The following ADAT1 variants were observed in gnomAD, a reference collection of about 807,000 sequenced individuals.
The protein encoded by ADAT1 is adenosine deaminase tRNA specific 1, also known as tRNA-specific adenosine deaminase 1.
A neutral mutation model predicts 58.6 loss-of-function variants in ADAT1; 58 were observed. The ratio of observed to expected loss-of-function variants is 0.99; its 90% confidence interval spans 0.80 to 1.23. ADAT1 has a LOEUF of 1.23. ADAT1 is among the 50% of genes most tolerant of loss of function. ADAT1 has a pLI of 0.00. For synonymous variants in ADAT1, 254 were observed against 220.8 expected (o/e 1.15, Z -1.33); for missense variants, 741 against 608.6 (o/e 1.22, Z -2.29).
In ADAT1 at chr16:75,598,247, T is replaced by C. The variant is rs1162853098; in HGVS notation, c.*1969A>G. ...GTGCGCCAATACACCTGGCTAATTT[T>C]TGTATTTTTAGTAGAAAGGGGCTTC... On this transcript the variant is annotated 3_prime_UTR_variant, in exon 10 of 10. Coordinates refer to ENST00000564657, the MANE Select transcript of ADAT1 (RefSeq NM_001324445.2). The C allele has an allele frequency of 2.8e-6, 1 of 361,932 alleles. No homozygotes were observed. The highest frequency in any genetic ancestry group is 1.2e-4 in the East Asian group (1 of 8,004). 22.4% of individuals were successfully genotyped at this position (361,932 alleles called of 1,614,324 possible).
At chr16:75,604,919 G>A (rs376413225) in intron 8 of ADAT1, among the ~76,000 whole-genome samples, 127 of 152,162 alleles carry the variant, frequency 8.3e-4, no homozygotes, top group African/African-American at 2.8e-3. Context: ...GAACTGTGTG[G>A]GTCCACTTAC....
chr16:75,600,046 T>C lies in ADAT1; in HGVS notation c.*170A>G, dbSNP rs978366145. The C allele has an allele frequency of 6.9e-7, 1 of 1,449,918 alleles. No homozygotes were observed. The highest frequency in any genetic ancestry group is 1.4e-5 in the African/African-American group (1 of 70,512). The allele number at this position is 1,449,918 out of a possible 1,614,324, so 89.8% of individuals were successfully genotyped here. On this transcript the variant is annotated 3_prime_UTR_variant, in exon 10 of 10. Coordinates refer to ENST00000564657, the MANE Select transcript of ADAT1 (RefSeq NM_001324445.2). ...CCATTTTAGCAGAGAGCTACTTCAATCAAGTATAGCTTGCTCTAAGTTCCA... is the reference window on the plus strand; with the variant it reads ...CCATTTTAGCAGAGAGCTACTTCAACCAAGTATAGCTTGCTCTAAGTTCCA...
In ADAT1 at chr16:75,618,619, T is replaced by G. The variant is rs765053557; in HGVS notation, c.260A>C (p.His87Pro). ...RKNGDILNDSHAEVIARRSFQ... is the reference protein window; with the variant it reads ...RKNGDILNDSPAEVIARRSFQ... ...ACTCCTTCTGGCTATGACCTCAGCA[T>G]GGCTATCATTGAGGATGTCTCCTGC... Residue 87 changes from histidine to proline, a missense_variant, in exon 4 of 10, where the codon CAT (histidine) becomes CCT (proline). His to Pro is a moderately conservative substitution (Grantham distance 77). Coordinates refer to ENST00000564657, the MANE Select transcript of ADAT1 (RefSeq NM_001324445.2). The G allele has an allele frequency of 6.2e-7, 1 of 1,612,598 alleles. No individual in the cohort carries two copies. Among genetic ancestry groups the G allele is most frequent in the South Asian group, 1.1e-5 (1 of 90,954 alleles).
At chr16:75,606,892 G>A (rs528074814) in intron 8 of ADAT1, among the ~76,000 whole-genome samples, 5 of 152,258 alleles carry the variant, frequency 3.3e-5, no homozygotes, top group African/African-American at 1.2e-4. Flanking sequence ...AAAACTTGCT[G>A]AAATATATGT....
In ADAT1 at chr16:75,612,360, A is replaced by G. The variant is rs1371784965; in HGVS notation, c.926T>C (p.Leu309Pro). 7 of 1,614,146 alleles carry G rather than the reference A, an allele frequency of 4.3e-6. No individual in the cohort carries two copies. Among genetic ancestry groups the G allele is most frequent in the Non-Finnish European group, 5.9e-6 (7 of 1,180,030 alleles). ...CATCAACAGTGCCCCTTGGCATCCGAGGACGTTCCATCGGGCCATCTTGTC... is the reference window on the plus strand; with the variant it reads ...CATCAACAGTGCCCCTTGGCATCCGGGGACGTTCCATCGGGCCATCTTGTC... ...CSDKMARWNVLGCQGALLMHL... is the reference protein window; with the variant it reads ...CSDKMARWNVPGCQGALLMHL... The change falls in exon 6 of 10, where the codon CTC (leucine) becomes CCC (proline). Residue 309 changes from leucine to proline, a missense_variant. Leu to Pro is a moderately conservative substitution (Grantham distance 98). Transcript: ENST00000564657.
chr16:75,599,278 C>T lies in ADAT1; in HGVS notation c.*938G>A. 1 of 861,382 alleles carries T rather than the reference C, an allele frequency of 1.2e-6. No individual in the cohort carries two copies. Among genetic ancestry groups the T allele is most frequent in the Non-Finnish European group, 1.4e-6 (1 of 717,130 alleles). The allele number at this position is 861,382 out of a possible 1,614,324, so 53.4% of individuals were successfully genotyped here. On this transcript the variant is annotated 3_prime_UTR_variant, in exon 10 of 10. Transcript: ENST00000564657. ...TGCATTTTTAGTAGAGACAGGGTTT[C>T]ACCAGGTTGGCCAGGCTGGTCTTGA...
intron 8 of ADAT1, among the ~76,000 whole-genome samples, chr16:75,607,934 A>C (rs2151755182): frequency 6.6e-6 from 1 of 152,344 alleles, no homozygotes; most frequent in South Asian, 2.1e-4. Context: ...TGATACAGCT[A>C]CCTCAGGATG....
At chr16:75,619,750 A>G (rs1289831261) in intron 3 of ADAT1, 1 of 394,734 alleles carries the variant, frequency 2.5e-6, no homozygotes, top group Admixed American at 3.3e-5. Context: ...GTCTCTAAAA[A>G]AATACAAAAA....
intron 1 of ADAT1, among the ~76,000 whole-genome samples, chr16:75,621,351 C>G (rs1232737863): frequency 6.6e-6 from 1 of 151,862 alleles, no homozygotes; most frequent in South Asian, 2.1e-4. Flanking sequence ...GTTACGTGTT[C>G]TCATAGAGCT....
intron 4 of ADAT1, among the ~76,000 whole-genome samples, chr16:75,617,745 G>C (rs1457174942): frequency 6.6e-6 from 1 of 151,500 alleles, no homozygotes; most frequent in Non-Finnish European, 1.5e-5. Flanking sequence ...AGCAATCTGG[G>C]TTTTAACAAG....
In ADAT1 at chr16:75,612,260, C is replaced by T. The variant is rs768314305; in HGVS notation, c.1026G>A (p.Gln342=). 6.2e-6 allele frequency: 10 copies of T among 1,613,992 alleles called. No individual in the cohort carries two copies. Among genetic ancestry groups the T allele is most frequent in the Non-Finnish European group, 8.5e-6 (10 of 1,179,986 alleles). The change falls in exon 6 of 10, where the codon CAG becomes CAA. Residue 342 remains glutamine, a synonymous_variant. Coordinates refer to ENST00000564657, the MANE Select transcript of ADAT1 (RefSeq NM_001324445.2). ...GKCPYSQEAM[Q]RALIGRCQNV... is the part of the protein sequence containing the mutation. ...CCTCTCACCTTCCAATCAGTGCTCTCTGCATGGCTTCCTGGCTGTATGGGC... is the reference window on the plus strand; with the variant it reads ...CCTCTCACCTTCCAATCAGTGCTCTTTGCATGGCTTCCTGGCTGTATGGGC...
rs1490049861 is a variant in ADAT1 at position 75,612,145 on chromosome 16, TG to T, written c.1043+97del. 7.1e-5 allele frequency: 94 copies of T among 1,324,188 alleles called. No homozygotes were observed. The African/African-American group carries it at 1.3e-3, about 19-fold the overall frequency. The allele number at this position is 1,324,188 out of a possible 1,614,324, so 82.0% of individuals were successfully genotyped here. A position where few individuals can be genotyped will look rare whatever the true frequency, so the allele number is the denominator to read the frequency against. On this transcript the variant is annotated intron_variant, in intron 6 of 9. Transcript: ENST00000564657. ...GACAAATTCCTGGAAGTGGAACTGC[TG>T]GATCAAAAGGTATGGAGATTCTTAA... is the stretch of plus-strand genomic sequence containing the variant.
Position 75,599,505 on chromosome 16 carries a change from G to C in ADAT1, c.*711C>G, listed in dbSNP as rs1400939205. The C allele has an allele frequency of 1.0e-6, 1 of 985,742 alleles. No homozygotes were observed. The highest frequency in any genetic ancestry group is 1.7e-5 in the African/African-American group (1 of 57,242). 61.1% of individuals were successfully genotyped at this position (985,742 alleles called of 1,614,324 possible). On this transcript the variant is annotated 3_prime_UTR_variant, in exon 10 of 10. Transcript: ENST00000564657. ...TTGAGACATCTAAACAGTGTTACTAGATCTTTGATTCTCTTGGCTGTTTCC... is the reference window on the plus strand; with the variant it reads ...TTGAGACATCTAAACAGTGTTACTACATCTTTGATTCTCTTGGCTGTTTCC...
chr16:75,604,453 A>AAT (rs1313316471), intron 8 of ADAT1, among the ~76,000 whole-genome samples: 2 of 76,110 alleles, frequency 2.6e-5, no homozygotes, highest in Non-Finnish European at 4.3e-5. Flanking sequence ...AAAAAAAAAA[A>AAT]AAAATATATA....
chr16:75,622,415 G>A lies in ADAT1; in HGVS notation c.-34C>T, dbSNP rs774176041. ...GGAAGGGACTCACCTCTCATTTCTAGGGAGGCATCACAAGGCAGTATAGTT... is the reference window on the plus strand; with the variant it reads ...GGAAGGGACTCACCTCTCATTTCTAAGGAGGCATCACAAGGCAGTATAGTT... On this transcript the variant is annotated 5_prime_UTR_variant, in exon 1 of 10. Transcript: ENST00000564657. 1.3e-5 allele frequency: 2 copies of A among 152,120 alleles called. No individual in the cohort carries two copies. The highest frequency in any genetic ancestry group is 1.5e-5 in the Non-Finnish European group (1 of 68,014). 9.4% of individuals were successfully genotyped at this position (152,120 alleles called of 1,614,324 possible).
chr16:75,612,141 C>A, intron 6 of ADAT1, 102 bp downstream of exon 6: 1 of 1,277,854 alleles, frequency 7.8e-7, no homozygotes, highest in South Asian at 1.5e-5. Context: ...GGAAGTGGAA[C>A]TGCTGGATCA....
At position 75,620,800 on chromosome 16, in the gene ADAT1, G is replaced by A; in HGVS notation, c.-1C>T. ...GAGCAATCTCATCCGCGGTCCACAT[G>A]GTCTGAGCTGGTATTGAGACCTTGA... On this transcript the variant is annotated 5_prime_UTR_variant, in exon 2 of 10. Transcript: ENST00000564657. 4.3e-6 allele frequency: 7 copies of A among 1,609,272 alleles called. No homozygotes were observed. Among genetic ancestry groups the A allele is most frequent in the South Asian group, 1.1e-5 (1 of 90,900 alleles).
intron 4 of ADAT1, among the ~76,000 whole-genome samples, chr16:75,617,642 T>C (rs2081777092): frequency 6.6e-6 from 1 of 151,214 alleles, no homozygotes; most frequent in Non-Finnish European, 1.5e-5. Flanking sequence ...TTTGTTTCTT[T>C]TTTTTTTTTT....
intron 8 of ADAT1, among the ~76,000 whole-genome samples, chr16:75,605,238 G>A (rs1327647802): frequency 1.3e-5 from 2 of 151,952 alleles, no homozygotes; most frequent in African/African-American, 2.4e-5. Flanking sequence ...TTACAGGCAC[G>A]TACCATCACG....
Sources: gnomAD v4.1 joint callset for allele counts (sites outside exome capture counted in the v4.1 genomes callset) on GRCh38, gnomAD v4.1.1 for gene constraint, MANE v1.5 for transcripts, NCBI Gene and HGNC (gene_info 2026-07-23, HGNC 2026-07-21) for gene names.